Variants in CACNA1C observed in about 807,000 individuals in gnomAD.
The protein encoded by CACNA1C is calcium voltage-gated channel subunit alpha1 C.
In CACNA1C, 30 loss-of-function variants were observed where a neutral mutation model predicts 229.0. The ratio of observed to expected loss-of-function variants is 0.13; its 90% CI spans 0.10 to 0.18. The LOEUF (loss-of-function observed/expected upper bound fraction) is 0.18. Among genes scored for constraint, CACNA1C ranks in the 10% least tolerant of loss-of-function variants. The pLI is 1.00. For synonymous variants in CACNA1C, 1,114 were observed against 1,132.5 expected (o/e 0.98, Z 0.33); for missense variants, 1,658 against 2,845.0 (o/e 0.58, Z 9.49).
At chr12:2,299,777 A>G (rs2094409403) in intron 3 of CACNA1C, among the ~76,000 whole-genome samples, 1 of 152,068 alleles carries the variant, frequency 6.6e-6, no homozygotes. Context: ...TGGTCATCTG[A>G]TGGCCCTAGG....
exon 1 of CACNA1C, chr12:1,970,960 T>C (rs1004952546): frequency 5.0e-6 from 3 of 604,546 alleles, no homozygotes; most frequent in Non-Finnish European, 7.1e-6. Flanking sequence ...GAAATGTTAC[T>C]GCAGGAATAG....
chr12:2,594,678 A>C (rs1011802431), intron 19 of CACNA1C, among the ~76,000 whole-genome samples: 10 of 152,238 alleles, frequency 6.6e-5, no homozygotes, highest in African/African-American at 2.4e-4. Context: ...AGTCTTTGGA[A>C]TCTAAATCAC....
chr12:2,572,727 T>TTCCTCCTCC (rs2056513925), intron 13 of CACNA1C, among the ~76,000 whole-genome samples: 1 of 95,516 alleles, frequency 1.0e-5, no homozygotes, highest in Non-Finnish European at 2.1e-5. Context: ...CCTCCTCCTC[T>TTCCTCCTCC]TCCTCTTCCT....
chr12:2,312,809 CAG>C (rs1444678252), intron 3 of CACNA1C, among the ~76,000 whole-genome samples: 1 of 152,058 alleles, frequency 6.6e-6, no homozygotes, highest in African/African-American at 2.4e-5. Context: ...TCTGAAGCCT[CAG>C]GGATTTTTTT....
chr12:2,004,444 C>T, intron 1 of CACNA1C: 1 of 1,602,682 alleles, frequency 6.2e-7, no homozygotes, highest in Non-Finnish European at 8.5e-7. Context: ...TCCCTCCCTC[C>T]CAGACATAGG....
At chr12:2,326,316 C>T (rs1287524541) in intron 3 of CACNA1C, among the ~76,000 whole-genome samples, 1 of 152,212 alleles carries the variant, frequency 6.6e-6, no homozygotes, top group African/African-American at 2.4e-5. Flanking sequence ...CTTGTTAAAA[C>T]TGCACATTTT....
chr12:2,546,316 A>C (rs1407413934), intron 9 of CACNA1C, among the ~76,000 whole-genome samples: 29 of 122,980 alleles, frequency 2.4e-4, no homozygotes, highest in East Asian at 4.9e-4. Flanking sequence ...TCTTCACACT[A>C]TTCCCTGCAG....
chr12:2,238,709 G>T (rs1286513976), intron 3 of CACNA1C, among the ~76,000 whole-genome samples: 1 of 152,208 alleles, frequency 6.6e-6, no homozygotes. Flanking sequence ...TCCTGGAAAG[G>T]TGTTCCCCAT....
At chr12:2,581,978 T>C (rs1431135994) in intron 14 of CACNA1C, among the ~76,000 whole-genome samples, 181 bp downstream of exon 14, 1 of 150,992 alleles carries the variant, frequency 6.6e-6, no homozygotes, top group Non-Finnish European at 1.5e-5. Flanking sequence ...CCATCTGCCA[T>C]GGAATTCCAC....
intron 3 of CACNA1C, among the ~76,000 whole-genome samples, chr12:2,299,809 C>T (rs1001065821): frequency 1.3e-5 from 2 of 152,150 alleles, no homozygotes; most frequent in African/African-American, 4.8e-5. Context: ...AGGCCACTTA[C>T]TCACCATGTG....
chr12:2,537,193 C>G (rs1354237892), intron 9 of CACNA1C, among the ~76,000 whole-genome samples: 1 of 152,242 alleles, frequency 6.6e-6, no homozygotes, highest in Non-Finnish European at 1.5e-5. Flanking sequence ...TACCCTTGCT[C>G]TCCCATGACA....
chr12:2,363,599 C>T (rs1014331197), intron 3 of CACNA1C, among the ~76,000 whole-genome samples: 4 of 152,016 alleles, frequency 2.6e-5, no homozygotes, highest in Non-Finnish European at 5.9e-5. Flanking sequence ...CCAGCCTCTG[C>T]CTCTCCCCAC....
intron 1 of CACNA1C, among the ~76,000 whole-genome samples, chr12:2,106,640 C>T (rs2078825779): frequency 1.3e-5 from 1 of 78,168 alleles, no homozygotes; most frequent in Non-Finnish European, 2.9e-5. Flanking sequence ...CCACTGGGCG[C>T]CCACCCCGGG....
intron 3 of CACNA1C, among the ~76,000 whole-genome samples, chr12:2,344,762 G>A (rs2096962573): frequency 6.6e-6 from 1 of 152,012 alleles, no homozygotes; most frequent in South Asian, 2.1e-4. Context: ...GCACCACTGA[G>A]ATTCAAGCTC....
Position 2,649,633 on chromosome 12 carries a change from C to T in CACNA1C, c.3945+1126C>T, listed in dbSNP as rs1412633416. 1.3e-5 allele frequency among the ~76,000 whole-genome samples: 2 copies of T among 152,178 alleles called. No homozygotes were observed. Among genetic ancestry groups the T allele is most frequent in the Admixed American group, 1.3e-4 (2 of 15,272 alleles). On this transcript the variant is annotated intron_variant, in intron 31 of 46. Coordinates refer to ENST00000399655, the MANE Select transcript of CACNA1C (RefSeq NM_000719.7). This position sits in a 1 kb window ranked among gnomAD's most constrained non-coding sequence, Gnocchi z 4.4. ...TGCAGCCACAGGGGAGGGCTCTGAACAGTGGAATGGAATTCACGCTGCAAG... is the reference window on the plus strand; with the variant it reads ...TGCAGCCACAGGGGAGGGCTCTGAATAGTGGAATGGAATTCACGCTGCAAG...
intron 1 of CACNA1C, among the ~76,000 whole-genome samples, chr12:2,044,937 T>C (rs10161032): frequency 0.33 from 49,882 of 152,074 alleles, 9,531 homozygotes; most frequent in African/African-American, 0.53. Flanking sequence ...AGTGACCATT[T>C]GGGAAGGAAT....
At chr12:2,258,777 G>A (rs920929790) in intron 3 of CACNA1C, among the ~76,000 whole-genome samples, 1 of 152,152 alleles carries the variant, frequency 6.6e-6, no homozygotes, top group Non-Finnish European at 1.5e-5. Context: ...AGATATGTGA[G>A]CATCAGCTCC....
intron 1 of CACNA1C, among the ~76,000 whole-genome samples, chr12:2,098,346 T>C (rs1041279439): frequency 6.6e-6 from 1 of 152,264 alleles, no homozygotes; most frequent in Non-Finnish European, 1.5e-5. Context: ...AGCATTGTTA[T>C]TAAACGGCCT....
At chr12:2,365,892 A>G (rs756771908) in intron 3 of CACNA1C, among the ~76,000 whole-genome samples, 2 of 152,236 alleles carry the variant, frequency 1.3e-5, no homozygotes, top group South Asian at 2.1e-4. Flanking sequence ...CCACGTGTCT[A>G]TCCACTGACA....
Sources: allele counts gnomAD v4.1 joint callset (sites outside exome capture counted in the v4.1 genomes callset), GRCh38; gene constraint gnomAD v4.1.1; non-coding constraint Gnocchi (gnomAD v3.1); transcripts MANE v1.5; gene names NCBI Gene and HGNC (gene_info 2026-07-23, HGNC 2026-07-21).